Variants in UBR4 observed in about 807,000 individuals in gnomAD.
UBR4 encodes E3 ubiquitin-protein ligase UBR4.
In UBR4, 124 loss-of-function variants were observed where a neutral mutation model predicts 575.6. The observed-to-expected ratio is 0.22, with a 90% confidence interval of 0.19 to 0.25. The LOEUF (loss-of-function observed/expected upper bound fraction) is 0.25, where lower values mean the gene tolerates loss of function less well. UBR4 is among the 10% of genes least tolerant of loss of function. The pLI is 1.00. For synonymous variants in UBR4, 2,455 were observed against 2,473.7 expected, an observed-to-expected ratio of 0.99 and a Z score of 0.22; for missense variants, 4,818 against 6,478.8, an observed-to-expected ratio of 0.74 and a Z score of 8.80.
chr1:19,099,148 C>G (rs188763062), intron 90 of UBR4, among the ~76,000 whole-genome samples: 24 of 152,298 alleles, frequency 1.6e-4, no homozygotes, highest in Non-Finnish European at 2.5e-4. Flanking sequence ...AGCCTCCATT[C>G]CCCAACTAGT....
In UBR4 at chr1:19,084,584, T is replaced by C; in HGVS notation, c.14928A>G (p.Ala4976=). 1 of 1,614,244 alleles carries C rather than the reference T, an allele frequency of 6.2e-7. No homozygotes were observed. ...TCTCCCGGCCGCCCCCGCCAGTGTC[T>C]GCGCTGAACGACTGCTCCATGGCGA... is the stretch of plus-strand genomic sequence containing the variant. ...LRFAMEQSFS[A]DTGGGGRESN... Residue 4976 remains alanine (A), a synonymous_variant, in exon 102 of 106, where the codon GCA becomes GCG. Transcript: ENST00000375254.
Position 19,151,626 on chromosome 1 carries a change from A to G in UBR4, c.7213+17T>C. On this transcript the variant is annotated intron_variant, in intron 48 of 105. Coordinates refer to ENST00000375254, the MANE Select transcript of UBR4 (RefSeq NM_020765.3). The stretch of plus-strand genomic sequence containing the variant: ...TCACAATGAGGACAGAGTCTGCACC[A>G]GGGGTTGGTGACTCACTGAAGAGGT... 6.2e-7 allele frequency: 1 copy of G among 1,613,954 alleles called. No individual in the cohort carries two copies. Among genetic ancestry groups the G allele is most frequent in the Non-Finnish European group, 8.5e-7 (1 of 1,179,796 alleles).
chr1:19,121,860 G>A (rs575820575), intron 67 of UBR4, 74 bp downstream of exon 67: 4 of 1,520,864 alleles, frequency 2.6e-6, no homozygotes, highest in Non-Finnish European at 3.6e-6. Flanking sequence ...CCAGTTCAGT[G>A]CTTGGCATAT....
Position 19,153,518 on chromosome 1 carries a change from A to G in UBR4, c.6631-16T>C. On this transcript the variant is annotated splice_polypyrimidine_tract_variant and intron_variant, in intron 45 of 105. Coordinates refer to ENST00000375254, the MANE Select transcript of UBR4 (RefSeq NM_020765.3). The surrounding 1 kb of genome is among the most constrained non-coding windows in gnomAD (Gnocchi z 4.1). ...TGTCTTGGATCTAGGAGGAGAGGAC[A>G]AAGGAGGGTCTTCGTTCCCACACCC... 1 of 1,613,372 alleles carries G rather than the reference A, an allele frequency of 6.2e-7. No individual in the cohort carries two copies. Among genetic ancestry groups the G allele is most frequent in the East Asian group, 2.2e-5 (1 of 44,880 alleles).
intron 1 of UBR4, among the ~76,000 whole-genome samples, chr1:19,207,974 CA>C (rs1016803100): frequency 1.3e-4 from 20 of 152,200 alleles, no homozygotes; most frequent in African/African-American, 4.3e-4. Flanking sequence ...ACTATCTGGC[CA>C]TTTACAGGAC....
At chr1:19,192,787 C>CT (rs879402823) in intron 9 of UBR4, among the ~76,000 whole-genome samples, 66 of 146,128 alleles carry the variant, frequency 4.5e-4, no homozygotes, top group East Asian at 1.4e-3. Flanking sequence ...CATCAGATCA[C>CT]TTTTTTTTTT....
chr1:19,080,264 C>G (rs373358120), intron 103 of UBR4: 1 of 152,224 alleles, frequency 6.6e-6, no homozygotes. Flanking sequence ...ACCTAGGAAT[C>G]TAACAAGACG....
rs2079789603 is a variant in UBR4, at chr1:19,110,953, T to A, written c.11802-121A>T. 3.0e-6 allele frequency: 3 copies of A among 985,942 alleles called. No individual in the cohort carries two copies. Among genetic ancestry groups the A allele is most frequent in the Non-Finnish European group, 4.5e-6 (3 of 671,664 alleles). The allele number at this position is 985,942 out of a possible 1,614,324, so 61.1% of individuals were successfully genotyped here. A position where few individuals can be genotyped will look rare whatever the true frequency, so the allele number is the denominator to read the frequency against. On this transcript the variant is annotated intron_variant, in intron 78 of 105. Coordinates refer to ENST00000375254, the MANE Select transcript of UBR4 (RefSeq NM_020765.3). This position sits in a 1 kb window ranked among gnomAD's most constrained non-coding sequence, Gnocchi z 4.5. ...TAAGGCTACCTGGCCCCAAATTTTC[T>A]ACTTCCTTCCCGGGGCAAGACTAGA...
Position 19,093,867 on chromosome 1 carries a change from A to AG in UBR4, c.13937+81dup. ...ACACAAAAATCTAATAGGTATTCAG[A>AG]GGATTCTTCCTCATCTCACAGACCT... is the stretch of plus-strand genomic sequence containing the variant. On this transcript the variant is annotated intron_variant, in intron 95 of 105. Transcript: ENST00000375254. This position sits in a 1 kb window ranked among gnomAD's most constrained non-coding sequence, Gnocchi z 4.8. 2 of 1,462,322 alleles carry AG rather than the reference A, an allele frequency of 1.4e-6. No homozygotes were observed. Among genetic ancestry groups the AG allele is most frequent in the Non-Finnish European group, 1.8e-6 (2 of 1,081,484 alleles). The allele number at this position is 1,462,322 out of a possible 1,614,324, so 90.6% of individuals were successfully genotyped here.
chr1:19,094,472 A>G (rs1290422021), intron 94 of UBR4, among the ~76,000 whole-genome samples: 2 of 152,248 alleles, frequency 1.3e-5, no homozygotes, highest in African/African-American at 2.4e-5. Context: ...GGAGGAAATT[A>G]CAGGCATAGC....
intron 20 of UBR4, among the ~76,000 whole-genome samples, chr1:19,175,561 T>A (rs2090151975): frequency 6.6e-6 from 1 of 152,030 alleles, no homozygotes; most frequent in South Asian, 2.1e-4. Flanking sequence ...AAACACTTCA[T>A]CCAAAGAACA....
At chr1:19,090,072 C>T (rs1355751895) in intron 97 of UBR4, among the ~76,000 whole-genome samples, 11 of 152,352 alleles carry the variant, frequency 7.2e-5, no homozygotes, top group East Asian at 5.8e-4. Context: ...TCTCCTCCAC[C>T]TTACTCGCAA....
At chr1:19,081,319 G>T in intron 103 of UBR4, 30 bp downstream of exon 103, 1 of 1,537,368 alleles carries the variant, frequency 6.5e-7, no homozygotes, top group South Asian at 1.2e-5. Context: ...GGGAAATAGT[G>T]AGCAGCAGCT....
At chr1:19,193,234 G>A (rs921763600) in intron 9 of UBR4, among the ~76,000 whole-genome samples, 199 bp downstream of exon 9, 1 of 152,206 alleles carries the variant, frequency 6.6e-6, no homozygotes, top group Non-Finnish European at 1.5e-5. Flanking sequence ...GTTCTACAGA[G>A]ATAGGGAAAC....
chr1:19,202,714 A>G (rs926091321), intron 1 of UBR4, among the ~76,000 whole-genome samples: 3 of 152,138 alleles, frequency 2.0e-5, no homozygotes, highest in African/African-American at 7.2e-5. Flanking sequence ...CTAGAGACCA[A>G]CTAGGTTTAA....
chr1:19,093,834 G>A lies in UBR4; in HGVS notation c.13937+115C>T. ...ACTAGACTGAGCTCCTTAAAAGCCA[G>A]AACGAGGACACAAAAATCTAATAGG... On this transcript the variant is annotated intron_variant, in intron 95 of 105. Transcript: ENST00000375254. This position sits in a 1 kb window ranked among gnomAD's most constrained non-coding sequence, Gnocchi z 4.8. The A allele has an allele frequency of 8.0e-7, 1 of 1,244,162 alleles. No homozygotes were observed. Among genetic ancestry groups the A allele is most frequent in the Non-Finnish European group, 1.1e-6 (1 of 906,790 alleles). The allele number at this position is 1,244,162 out of a possible 1,614,324, so 77.1% of individuals were successfully genotyped here. A position where few individuals can be genotyped will look rare whatever the true frequency, so the allele number is the denominator to read the frequency against.
chr1:19,142,258 G>A (rs922019575), intron 55 of UBR4, among the ~76,000 whole-genome samples: 5 of 152,130 alleles, frequency 3.3e-5, no homozygotes, highest in Non-Finnish European at 5.9e-5. Context: ...AGAAGAACCA[G>A]AATTGAAGTG....
chr1:19,197,326 GT>G (rs1381512292), intron 7 of UBR4, 61 bp from the exon 8 acceptor site: 11 of 1,606,906 alleles, frequency 6.8e-6, no homozygotes, highest in Non-Finnish European at 9.4e-6. Context: ...TAATGTGACA[GT>G]TAAAGAAATT....
chr1:19,110,294 G>GC lies in UBR4; in HGVS notation c.11978-72dup. The GC allele has an allele frequency of 6.2e-7, 1 of 1,612,958 alleles. No homozygotes were observed. Among genetic ancestry groups the GC allele is most frequent in the Non-Finnish European group, 8.5e-7 (1 of 1,179,080 alleles). ...CATCTGCTCTGCAGAGGCCGCCCAA[G>GC]CATCAGTTTCCCTCCTCCCCTCCCA... On this transcript the variant is annotated intron_variant, in intron 80 of 105. Coordinates refer to ENST00000375254, the MANE Select transcript of UBR4 (RefSeq NM_020765.3). This position sits in a 1 kb window ranked among gnomAD's most constrained non-coding sequence, Gnocchi z 4.5.
Sources: allele counts gnomAD v4.1 joint callset (sites outside exome capture counted in the v4.1 genomes callset), GRCh38; gene constraint gnomAD v4.1.1; non-coding constraint Gnocchi (gnomAD v3.1); transcripts MANE v1.5; gene names NCBI Gene and HGNC (gene_info 2026-07-23, HGNC 2026-07-21).